PCDH15: variants seen among roughly 807,000 people sequenced by gnomAD.
The protein encoded by PCDH15 is protocadherin related 15, also known as protocadherin-15.
Under a neutral mutation model 178.5 loss-of-function variants are expected in PCDH15, and 129 were observed. The ratio of observed to expected loss-of-function variants is 0.72; its 90% CI spans 0.63 to 0.84. The LOEUF is 0.84. Among genes scored for constraint, PCDH15 ranks in the 40% least tolerant of loss-of-function variants. The pLI is 0.00. For missense variants in PCDH15, 2,230 were observed against 2,099.9 expected (o/e 1.06, Z -1.21); for synonymous variants, 800 against 732.0 (o/e 1.09, Z -1.50).
At chr10:55,276,857 C>CT (rs1842609153) in intron 1 of PCDH15, among the ~76,000 whole-genome samples, 1 of 151,172 alleles carries the variant, frequency 6.6e-6, no homozygotes, top group Non-Finnish European at 1.5e-5. Context: ...CCATAAGTTA[C>CT]CCAGATTGGG....
At chr10:54,849,581 T>G (rs1394331178) in intron 3 of PCDH15, among the ~76,000 whole-genome samples, 1 of 152,190 alleles carries the variant, frequency 6.6e-6, no homozygotes, top group Non-Finnish European at 1.5e-5. Flanking sequence ...GCCATCCATA[T>G]AATACTAAAA....
At chr10:53,976,478 G>C (rs923410615) in intron 21 of PCDH15, among the ~76,000 whole-genome samples, 3 of 152,024 alleles carry the variant, frequency 2.0e-5, no homozygotes, top group Non-Finnish European at 2.9e-5. Flanking sequence ...TTTTCCATTT[G>C]CTTTTGTCTT....
rs187724341 is a variant in PCDH15, at chr10:54,409,154, T to G, written c.158-30212A>C. Reference sequence around the variant, plus strand: ...ACATGTATTTTGCGTTTTGCCATGATTGTAAGGCCTCCCCAGCCAGGTGGA... The same window carrying G: ...ACATGTATTTTGCGTTTTGCCATGAGTGTAAGGCCTCCCCAGCCAGGTGGA... On this transcript the variant is annotated intron_variant, in intron 3 of 37. Transcript: ENST00000644397. Among the ~76,000 whole-genome samples the G allele has an allele frequency of 4.9e-3, 748 of 152,272 alleles. 3 individuals carry two copies. Among genetic ancestry groups the G allele is most frequent in the African/African-American group, 0.016 (677 of 41,558 alleles).
intron 19 of PCDH15, among the ~76,000 whole-genome samples, chr10:54,022,278 C>A (rs1305409673): frequency 6.6e-6 from 1 of 151,910 alleles, no homozygotes; most frequent in Non-Finnish European, 1.5e-5. Flanking sequence ...AGGCTTGATA[C>A]AGAGATGTCA....
chr10:54,257,403 C>CTTTTT (rs71461225), intron 8 of PCDH15, among the ~76,000 whole-genome samples: 7,238 of 125,786 alleles, frequency 0.058, 404 homozygotes, highest in Non-Finnish European at 0.084. Context: ...GAATTGTCTT[C>CTTTTT]TTTTTTTTTT....
chr10:54,885,424 C>A (rs1014345697), intron 3 of PCDH15, among the ~76,000 whole-genome samples: 1 of 151,902 alleles, frequency 6.6e-6, no homozygotes, highest in Admixed American at 6.6e-5. Context: ...TATAACTACT[C>A]CACTGGGAAG....
chr10:54,646,181 A>G (rs1022104682), intron 2 of PCDH15, among the ~76,000 whole-genome samples: 1 of 152,108 alleles, frequency 6.6e-6, no homozygotes, highest in African/African-American at 2.4e-5. Flanking sequence ...TTTGTAATCT[A>G]TTGCAGGTGA....
At chr10:54,588,467 A>C (rs1349559257) in intron 2 of PCDH15, among the ~76,000 whole-genome samples, 1 of 152,190 alleles carries the variant, frequency 6.6e-6, no homozygotes, top group East Asian at 1.9e-4. Context: ...TAATTTGTAA[A>C]TGAAATGTGG....
chr10:54,971,709 C>T (rs1048074200), intron 2 of PCDH15, among the ~76,000 whole-genome samples: 2 of 152,262 alleles, frequency 1.3e-5, no homozygotes, highest in Admixed American at 1.3e-4. Flanking sequence ...ATTTGCGTAT[C>T]ACCAGAATCT....
intron 8 of PCDH15, among the ~76,000 whole-genome samples, chr10:54,247,284 T>C (rs1271807636): frequency 6.6e-6 from 1 of 151,992 alleles, no homozygotes; most frequent in Non-Finnish European, 1.5e-5. Flanking sequence ...TCAGAATTTA[T>C]GTAAACTGAG....
intron 2 of PCDH15, among the ~76,000 whole-genome samples, chr10:54,572,206 C>A (rs1156753784): frequency 1.3e-5 from 2 of 152,064 alleles, no homozygotes; most frequent in African/African-American, 4.8e-5. Flanking sequence ...ACTTTTATAA[C>A]TAATTTACTG....
intron 10 of PCDH15, among the ~76,000 whole-genome samples, chr10:54,211,907 T>C (rs1256021647): frequency 6.6e-6 from 1 of 152,020 alleles, no homozygotes; most frequent in African/African-American, 2.4e-5. Flanking sequence ...ATTATGCCCT[T>C]GACTTCACAC....
At chr10:55,621,583 T>C (rs767335701) in intron 2 of PCDH15, among the ~76,000 whole-genome samples, 5 of 152,158 alleles carry the variant, frequency 3.3e-5, no homozygotes, top group Non-Finnish European at 5.9e-5. Flanking sequence ...AACCCTATGG[T>C]TAGCTGCGCA....
chr10:55,576,382 C>T (rs758796017), intron 2 of PCDH15, among the ~76,000 whole-genome samples: 13 of 152,236 alleles, frequency 8.5e-5, no homozygotes, highest in Non-Finnish European at 1.6e-4. Context: ...AGAGGAAGGG[C>T]TGGTCTTTCT....
chr10:54,583,615 C>T (rs2091228505), intron 2 of PCDH15, among the ~76,000 whole-genome samples: 1 of 152,050 alleles, frequency 6.6e-6, no homozygotes, highest in Non-Finnish European at 1.5e-5. Context: ...TTCTAACATA[C>T]AAGCATTCAG....
intron 3 of PCDH15, among the ~76,000 whole-genome samples, chr10:54,471,643 T>C (rs979171331): frequency 2.6e-5 from 4 of 151,584 alleles, no homozygotes; most frequent in African/African-American, 7.2e-5. Context: ...ATTTTATTTA[T>C]ATTTTTTGAT....
rs1047643345 is a variant in PCDH15 at position 55,265,005 on chromosome 10, C to G, written c.-156+54594G>C. Reference sequence around the variant, plus strand: ...GGGCAAGCCCAGGGAATTAAAGATACAAATCCGAGGCACTCCCAGTTGAGA... The same window carrying G: ...GGGCAAGCCCAGGGAATTAAAGATAGAAATCCGAGGCACTCCCAGTTGAGA... On this transcript the variant is annotated intron_variant, in intron 1 of 5. Transcript: ENST00000458638. Among the ~76,000 whole-genome samples the G allele has an allele frequency of 2.0e-5, 3 of 152,112 alleles. No individual in the cohort carries two copies. In the South Asian group the frequency reaches 6.2e-4, roughly 32 times the overall value.
intron 2 of PCDH15, among the ~76,000 whole-genome samples, chr10:55,512,668 T>G (rs1256001261): frequency 1.3e-5 from 2 of 152,004 alleles, no homozygotes; most frequent in Non-Finnish European, 2.9e-5. Flanking sequence ...AAGAATGAAG[T>G]GTATTAAATG....
chr10:53,857,316 T>A, intron 27 of PCDH15, 53 bp from the exon 28 acceptor site: 2 of 1,409,940 alleles, frequency 1.4e-6, no homozygotes, highest in East Asian at 2.3e-5. Flanking sequence ...GAAATTTCCA[T>A]AATCAGAAAA....
Sources: allele counts gnomAD v4.1 joint callset (sites outside exome capture counted in the v4.1 genomes callset), GRCh38; gene constraint gnomAD v4.1.1; transcripts MANE v1.5; gene names NCBI Gene and HGNC (gene_info 2026-07-23, HGNC 2026-07-21).